TLCD3A: variants seen among roughly 807,000 people sequenced by gnomAD.
TLCD3A encodes the protein TLC domain-containing protein 3A.
TLCD3A carries 17 observed loss-of-function variants against 29.9 expected under a neutral mutation model. The ratio of observed to expected loss-of-function variants is 0.57; its 90% CI spans 0.39 to 0.85. The LOEUF (loss-of-function observed/expected upper bound fraction) is 0.85, where lower values mean the gene tolerates loss of function less well. Ranked by LOEUF, TLCD3A falls within the 40% of genes least tolerant of loss-of-function variation. The pLI is 0.00. For missense variants in TLCD3A, 332 were observed against 350.8 expected (o/e 0.95, Z 0.43); for synonymous variants, 143 against 147.7 (o/e 0.97, Z 0.23).
intron 4 of TLCD3A, 139 bp downstream of exon 4, chr17:740,739 G>GT (rs775426728): frequency 1.7e-5 from 15 of 878,384 alleles, no homozygotes; most frequent in Non-Finnish European, 2.5e-5. Context: ...ATTCAGGCAT[G>GT]TATGAATGAA....
At chr17:738,411 G>C (rs1278313942) in intron 3 of TLCD3A, among the ~76,000 whole-genome samples, 1 of 150,684 alleles carries the variant, frequency 6.6e-6, no homozygotes, top group African/African-American at 2.4e-5. Flanking sequence ...TGGATGTCTT[G>C]ACCGTTACTT....
chr17:737,401 TTCCAGGA>T (rs1974173360), intron 2 of TLCD3A, among the ~76,000 whole-genome samples: 1 of 152,060 alleles, frequency 6.6e-6, no homozygotes, highest in South Asian at 2.1e-4. Context: ...AACTCACAGG[TTCCAGGA>T]TTTAAGTTAG....
At chr17:738,912 C>T (rs1484841632) in intron 3 of TLCD3A, among the ~76,000 whole-genome samples, 3 of 152,148 alleles carry the variant, frequency 2.0e-5, no homozygotes, top group South Asian at 2.1e-4. Flanking sequence ...GATTCCCTAG[C>T]GTTTGTCAGA....
chr17:739,844 G>C (rs1429952759), intron 3 of TLCD3A, among the ~76,000 whole-genome samples: 1 of 152,036 alleles, frequency 6.6e-6, no homozygotes, highest in Non-Finnish European at 1.5e-5. Flanking sequence ...TCAGAAGTTC[G>C]AGACCAGCCT....
chr17:738,191 G>A (rs1974194839), intron 3 of TLCD3A, 144 bp downstream of exon 3: 2 of 648,302 alleles, frequency 3.1e-6, no homozygotes, highest in Admixed American at 3.1e-5. Flanking sequence ...CGCCTCCCGG[G>A]TTCAAGCGAT....
At chr17:734,466 CCTGG>C (rs1974124418) in intron 2 of TLCD3A, among the ~76,000 whole-genome samples, 1 of 151,110 alleles carries the variant, frequency 6.6e-6, no homozygotes, top group South Asian at 2.1e-4. Context: ...CACTACTACA[CCTGG>C]CTAACTTTTT....
chr17:740,432 C>G (rs147964084), intron 3 of TLCD3A, 73 bp from the exon 4 acceptor site: 2 of 1,093,900 alleles, frequency 1.8e-6, no homozygotes, highest in African/African-American at 3.1e-5. Context: ...TTTTCAGTAG[C>G]CCTCGTTGGA....
At chr17:736,600 C>T (rs948577280) in intron 2 of TLCD3A, among the ~76,000 whole-genome samples, 5 of 152,138 alleles carry the variant, frequency 3.3e-5, no homozygotes, top group Non-Finnish European at 5.9e-5. Context: ...GGTACCTAAC[C>T]GCTGTAATGT....
chr17:734,003 A>G (rs1257780727), intron 2 of TLCD3A, among the ~76,000 whole-genome samples: 4 of 152,132 alleles, frequency 2.6e-5, no homozygotes, highest in African/African-American at 7.2e-5. Flanking sequence ...GTCTCACTCT[A>G]GCCTGCGGTC....
At chr17:733,009 G>A (rs1974097172) in intron 1 of TLCD3A, 89 bp from the exon 2 acceptor site, 1 of 1,469,452 alleles carries the variant, frequency 6.8e-7, no homozygotes, top group Admixed American at 2.0e-5. Flanking sequence ...GCCTGCGGCT[G>A]GGGAGAGTCA....
rs892826295 is a variant in TLCD3A at position 741,928 on chromosome 17, G to A, written c.*358G>A. 4 of 332,474 alleles carry A rather than the reference G, an allele frequency of 1.2e-5. No homozygotes were observed. Among genetic ancestry groups the A allele is most frequent in the Admixed American group, 9.1e-5 (2 of 21,880 alleles). 20.6% of individuals were successfully genotyped at this position (332,474 alleles called of 1,614,324 possible). On this transcript the variant is annotated 3_prime_UTR_variant, in exon 5 of 5. Transcript: ENST00000308278. ...TGCACATCTGCCTGTCCCTGTATCA[G>A]CGGCTACCCACCTTCCAAACCACTC...
chr17:733,964 G>A (rs900254545), intron 2 of TLCD3A, among the ~76,000 whole-genome samples: 8 of 152,188 alleles, frequency 5.3e-5, no homozygotes, highest in Admixed American at 3.9e-4. Context: ...TGCTGAGACT[G>A]AACTGCGAGG....
At chr17:739,632 C>T (rs1018164934) in intron 3 of TLCD3A, among the ~76,000 whole-genome samples, 1 of 152,250 alleles carries the variant, frequency 6.6e-6, no homozygotes, top group Admixed American at 6.5e-5. Context: ...GCCACCGCGC[C>T]CTGCCAGGCA....
chr17:741,168 G>A, intron 4 of TLCD3A, 133 bp from the exon 5 acceptor site: 1 of 840,430 alleles, frequency 1.2e-6, no homozygotes, highest in South Asian at 1.7e-5. Context: ...CTGGGCGCCA[G>A]GGAATCTGAC....
chr17:741,247 CCT>C, intron 4 of TLCD3A, 52 bp from the exon 5 acceptor site: 6 of 1,596,916 alleles, frequency 3.8e-6, no homozygotes, highest in Non-Finnish European at 5.1e-6. Flanking sequence ...CCCGTCGCTC[CCT>C]GATGCCCAGC....
Position 737,921 on chromosome 17 carries a change from T to C in TLCD3A, c.282T>C (p.Cys94=), listed in dbSNP as rs374388380. 13 of 1,613,922 alleles carry C rather than the reference T, an allele frequency of 8.1e-6. No individual in the cohort carries two copies. The highest frequency in any genetic ancestry group is 1.1e-5 in the Non-Finnish European group (13 of 1,180,014). ...MIYDSYAMYL[C]EWCRTRDQNR... is the part of the protein sequence containing the mutation. ...ATGACTCGTACGCCATGTACCTCTG[T>C]GAATGGTGCCGAACCAGAGACCAGA... Residue 94 remains cysteine (C), a synonymous_variant, in exon 3 of 5, where the codon TGT becomes TGC. Transcript: ENST00000308278.
At chr17:734,856 C>T (rs1275503814) in intron 2 of TLCD3A, among the ~76,000 whole-genome samples, 2 of 151,682 alleles carry the variant, frequency 1.3e-5, no homozygotes, top group Non-Finnish European at 1.5e-5. Flanking sequence ...TCAGATAGTA[C>T]GTTGTTGTTT....
At chr17:733,595 G>A (rs1265124917) in intron 2 of TLCD3A, among the ~76,000 whole-genome samples, 1 of 152,124 alleles carries the variant, frequency 6.6e-6, no homozygotes, top group African/African-American at 2.4e-5. Flanking sequence ...CCACGCAAAC[G>A]CCGCTCTTGC....
rs1974089101 is a variant in TLCD3A at position 732,787 on chromosome 17, A to G, written c.122+18A>G. 21 of 1,441,648 alleles carry G rather than the reference A, an allele frequency of 1.5e-5. No homozygotes were observed. Among genetic ancestry groups the G allele is most frequent in the Non-Finnish European group, 1.9e-5 (21 of 1,098,756 alleles). The allele number at this position is 1,441,648 out of a possible 1,614,324, so 89.3% of individuals were successfully genotyped here. ...AGCACCAGGTACCGGCGCCGCCGAGACGCCCCCCGAGGCCCGGGGCGCTGC... is the reference window on the plus strand; with the variant it reads ...AGCACCAGGTACCGGCGCCGCCGAGGCGCCCCCCGAGGCCCGGGGCGCTGC... On this transcript the variant is annotated intron_variant, in intron 1 of 4. Transcript: ENST00000308278.
Sources: allele counts gnomAD v4.1 joint callset (sites outside exome capture counted in the v4.1 genomes callset), GRCh38; gene constraint gnomAD v4.1.1; transcripts MANE v1.5; gene names NCBI Gene and HGNC (gene_info 2026-07-23, HGNC 2026-07-21).